LHFPL6: variants seen among roughly 807,000 people sequenced by gnomAD.
LHFPL6 encodes the protein LHFPL tetraspan subfamily member 6, also known as LHFPL tetraspan subfamily member 6 protein.
A neutral mutation model predicts 20.6 loss-of-function variants in LHFPL6; 9 were observed. That is an observed-to-expected ratio of 0.44 (90% confidence interval 0.26 to 0.76). The LOEUF is 0.76. LHFPL6 is among the 30% of genes least tolerant of loss of function. The pLI is 0.20. For synonymous variants in LHFPL6, 105 were observed against 98.7 expected, an observed-to-expected ratio of 1.06 and a Z score of -0.38; for missense variants, 218 against 253.5, an observed-to-expected ratio of 0.86 and a Z score of 0.95.
At chr13:39,366,774 A>T (rs557734961) in intron 3 of LHFPL6, among the ~76,000 whole-genome samples, 1 of 152,336 alleles carries the variant, frequency 6.6e-6, no homozygotes, top group Admixed American at 6.5e-5. Context: ...GAAACAGCCC[A>T]GATGAATGCA....
At chr13:39,398,028 T>G (rs1166537965) in intron 2 of LHFPL6, among the ~76,000 whole-genome samples, 2 of 152,146 alleles carry the variant, frequency 1.3e-5, no homozygotes, top group Non-Finnish European at 2.9e-5. Context: ...CAGCCAAACT[T>G]TTGTTCACCA....
intron 2 of LHFPL6, among the ~76,000 whole-genome samples, chr13:39,478,580 G>A (rs1242319732): frequency 6.6e-6 from 1 of 152,056 alleles, no homozygotes; most frequent in Non-Finnish European, 1.5e-5. Flanking sequence ...TGTATCTATG[G>A]GGCTGTTTCT....
At chr13:39,509,319 A>G (rs1367684907) in intron 2 of LHFPL6, among the ~76,000 whole-genome samples, 1 of 151,300 alleles carries the variant, frequency 6.6e-6, no homozygotes, top group African/African-American at 2.4e-5. Context: ...TTTTTCTTTT[A>G]TCCATCACAC....
intron 2 of LHFPL6, among the ~76,000 whole-genome samples, chr13:39,472,496 G>C (rs1047438942): frequency 6.6e-6 from 1 of 152,134 alleles, no homozygotes; most frequent in African/African-American, 2.4e-5. Flanking sequence ...ACAACATACA[G>C]CTTCTATTTG....
chr13:39,531,206 C>A (rs575565216), intron 2 of LHFPL6, among the ~76,000 whole-genome samples: 1 of 152,170 alleles, frequency 6.6e-6, no homozygotes, highest in Non-Finnish European at 1.5e-5. Flanking sequence ...TAAAAGCAAT[C>A]TGAATGTAGA....
rs1005500353 is a variant in LHFPL6 at position 39,434,898 on chromosome 13, T to C, written c.386-56372A>G. Among the ~76,000 whole-genome samples, 7 of 149,574 alleles carry C rather than the reference T, an allele frequency of 4.7e-5. 1 individual carries two copies. Among genetic ancestry groups the C allele is most frequent in the African/African-American group, 1.5e-4 (6 of 40,586 alleles). On this transcript the variant is annotated intron_variant, in intron 2 of 3. Transcript: ENST00000379589. ...GGTGAAACCCCGTCTCTACTAAAAA[T>C]ACAAAAAATTAGCCGGGCGCGGTGG...
chr13:39,363,156 G>A (rs1057470309), intron 3 of LHFPL6, among the ~76,000 whole-genome samples: 1 of 152,200 alleles, frequency 6.6e-6, no homozygotes, highest in Admixed American at 6.5e-5. Flanking sequence ...GTCATCCCCA[G>A]GCAGCTCCAG....
intron 3 of LHFPL6, among the ~76,000 whole-genome samples, chr13:39,345,194 G>A (rs1414793558): frequency 6.6e-6 from 1 of 152,216 alleles, no homozygotes; most frequent in East Asian, 1.9e-4. Flanking sequence ...GGATTTCACA[G>A]TCACTGAACA....
At chr13:39,495,928 G>T (rs1349620497) in intron 2 of LHFPL6, among the ~76,000 whole-genome samples, 1 of 144,116 alleles carries the variant, frequency 6.9e-6, no homozygotes, top group East Asian at 3.1e-4. Context: ...AGCCAGCTAG[G>T]TGACCAAGGC....
rs1029965443 is a variant in LHFPL6 at position 39,397,770 on chromosome 13, G to A, written c.386-19244C>T. Among the ~76,000 whole-genome samples, 3 of 152,144 alleles carry A rather than the reference G, an allele frequency of 2.0e-5. 1 individual carries two copies. The highest frequency in any genetic ancestry group is 1.3e-4 in the Admixed American group (2 of 15,254). ...GAAAGAAACTTGTTCCGGGAGCCAC[G>A]GAAAGAAAATAATTTCCGTTGTCTT... On this transcript the variant is annotated intron_variant, in intron 2 of 3. Transcript: ENST00000379589.
At chr13:39,474,888 G>A (rs1873043863) in intron 2 of LHFPL6, among the ~76,000 whole-genome samples, 1 of 152,252 alleles carries the variant, frequency 6.6e-6, no homozygotes, top group Admixed American at 6.5e-5. Context: ...AGTAGGGGAG[G>A]GCCTTCTAGG....
At chr13:39,555,320 C>T (rs1048231758) in intron 2 of LHFPL6, among the ~76,000 whole-genome samples, 3 of 149,412 alleles carry the variant, frequency 2.0e-5, no homozygotes, top group Non-Finnish European at 2.9e-5. Flanking sequence ...GAGCTCTCCC[C>T]GCCCTTTTTT....
At chr13:39,430,839 C>T (rs1387684039) in intron 2 of LHFPL6, among the ~76,000 whole-genome samples, 1 of 152,188 alleles carries the variant, frequency 6.6e-6, no homozygotes, top group East Asian at 1.9e-4. Flanking sequence ...ATCAGCAGGA[C>T]ATGCGCAGGA....
At chr13:39,351,878 T>A (rs1362391670) in intron 3 of LHFPL6, among the ~76,000 whole-genome samples, 1 of 152,230 alleles carries the variant, frequency 6.6e-6, no homozygotes, top group Non-Finnish European at 1.5e-5. Flanking sequence ...TACGTTCCTT[T>A]TTTGTCTATA....
At chr13:39,593,810 C>T (rs549267295) in intron 2 of LHFPL6, among the ~76,000 whole-genome samples, 9 of 152,030 alleles carry the variant, frequency 5.9e-5, no homozygotes, top group African/African-American at 2.2e-4. Flanking sequence ...GAAATAACGC[C>T]GCATATCTAC....
chr13:39,574,220 C>A (rs538784344), intron 2 of LHFPL6, among the ~76,000 whole-genome samples: 1 of 152,152 alleles, frequency 6.6e-6, no homozygotes, highest in South Asian at 2.1e-4. Flanking sequence ...CGGTGGCTCA[C>A]GCCTGTAATC....
intron 2 of LHFPL6, among the ~76,000 whole-genome samples, chr13:39,549,254 G>GT (rs1566138692): frequency 1.3e-5 from 2 of 152,098 alleles, no homozygotes; most frequent in Admixed American, 6.6e-5. Flanking sequence ...TGAAAGGACA[G>GT]TTTTTACAAC....
At chr13:39,577,831 G>C (rs1459652838) in intron 2 of LHFPL6, among the ~76,000 whole-genome samples, 2 of 151,630 alleles carry the variant, frequency 1.3e-5, no homozygotes, top group Admixed American at 1.3e-4. Context: ...AGTAGAGACG[G>C]AGTTTCACCA....
chr13:39,429,478 T>C (rs189817454), intron 2 of LHFPL6, among the ~76,000 whole-genome samples: 7 of 152,300 alleles, frequency 4.6e-5, no homozygotes, highest in Admixed American at 3.9e-4. Flanking sequence ...CTTCTATTTT[T>C]ACCCTATTTG....
Sources: gnomAD v4.1 joint callset for allele counts (sites outside exome capture counted in the v4.1 genomes callset) on GRCh38, gnomAD v4.1.1 for gene constraint, MANE v1.5 for transcripts, NCBI Gene and HGNC (gene_info 2026-07-23, HGNC 2026-07-21) for gene names.